The following C1QTNF1 variants were observed in gnomAD, a reference collection of about 807,000 sequenced individuals.
C1QTNF1 encodes the protein C1q and TNF related 1, also known as complement C1q tumor necrosis factor-related protein 1.
In C1QTNF1, 22 loss-of-function variants were observed where a neutral mutation model predicts 27.8. That is an observed-to-expected ratio of 0.79 (90% confidence interval 0.56 to 1.13). The LOEUF (loss-of-function observed/expected upper bound fraction) is 1.13. Ranked by LOEUF, C1QTNF1 falls within the 50% of genes most tolerant of loss-of-function variation. The probability of loss-of-function intolerance (pLI) is 0.00; values close to 1 mark genes in which losing one functional copy is unlikely to be tolerated. For synonymous variants in C1QTNF1, 166 were observed against 154.3 expected (o/e 1.08, Z -0.56); for missense variants, 373 against 380.2 (o/e 0.98, Z 0.16).
intron 1 of C1QTNF1, among the ~76,000 whole-genome samples, chr17:79,031,050 G>C (rs2072128697): frequency 6.7e-6 from 1 of 148,670 alleles, no homozygotes; most frequent in Non-Finnish European, 1.5e-5. Flanking sequence ...CTGTCGCCCA[G>C]GCTGGAGTGC....
chr17:79,035,619 C>G (rs2072246709), intron 1 of C1QTNF1, among the ~76,000 whole-genome samples: 1 of 152,074 alleles, frequency 6.6e-6, no homozygotes, highest in Non-Finnish European at 1.5e-5. Flanking sequence ...TTAGTAGAGA[C>G]AGGGTTTTAC....
chr17:79,031,692 C>A (rs910103025), intron 1 of C1QTNF1, among the ~76,000 whole-genome samples: 1 of 152,324 alleles, frequency 6.6e-6, no homozygotes, highest in Non-Finnish European at 1.5e-5. Context: ...GATCTGCCTG[C>A]CTCAGCCTCC....
rs532926054 is a variant in C1QTNF1, at chr17:79,026,695, G to T, written c.-15+2201G>T. Among the ~76,000 whole-genome samples, 11 of 152,244 alleles carry T rather than the reference G, an allele frequency of 7.2e-5. No homozygotes were observed. In the East Asian group the frequency reaches 1.7e-3, roughly 24 times the overall value. On this transcript the variant is annotated intron_variant, in intron 1 of 3. Coordinates refer to ENST00000579760, the MANE Select transcript of C1QTNF1 (RefSeq NM_030968.5). ...CAGGGAGGCAGGAAGCATGGTGCAG[G>T]AAGCCCTAGGTGGGCGCTGTGCGGC...
intron 1 of C1QTNF1, chr17:79,025,075 A>T (rs375476172): frequency 1.3e-5 from 2 of 152,268 alleles, no homozygotes; most frequent in African/African-American, 4.8e-5. Flanking sequence ...TGGGCAGGAA[A>T]AAACGGTGTT....
chr17:79,047,703 A>G lies in C1QTNF1; in HGVS notation c.461A>G (p.Lys154Arg), dbSNP rs570896176. ...GCCGCCTTTTCGGTGGGCCGGAAGAAGCCCATGCACAGCAACCACTACTAC... is the reference window on the plus strand; with the variant it reads ...GCCGCCTTTTCGGTGGGCCGGAAGAGGCCCATGCACAGCAACCACTACTAC... ...HYAAFSVGRK[K>R]PMHSNHYYQT... The change falls in exon 4 of 4, where the codon AAG (lysine) becomes AGG (arginine). Residue 154 changes from lysine to arginine, a missense_variant. Coordinates refer to ENST00000579760, the MANE Select transcript of C1QTNF1 (RefSeq NM_030968.5). The G allele has an allele frequency of 6.2e-7, 1 of 1,614,088 alleles. No individual in the cohort carries two copies. The highest frequency in any genetic ancestry group is 1.7e-5 in the Admixed American group (1 of 60,020).
intron 2 of C1QTNF1, among the ~76,000 whole-genome samples, chr17:79,045,926 A>T (rs1028103143): frequency 1.3e-5 from 2 of 152,096 alleles, no homozygotes; most frequent in African/African-American, 4.8e-5. Context: ...GCAGCATTAG[A>T]TGAGGAGCTG....
At chr17:79,037,116 C>T (rs1472170953) in intron 1 of C1QTNF1, among the ~76,000 whole-genome samples, 1 of 151,636 alleles carries the variant, frequency 6.6e-6, no homozygotes, top group Admixed American at 6.6e-5. Flanking sequence ...TCACCATGCC[C>T]AGCTATTTTT....
intron 1 of C1QTNF1, 125 bp from the exon 2 acceptor site, chr17:79,043,830 C>T (rs1482986221): frequency 1.0e-6 from 1 of 997,934 alleles, no homozygotes; most frequent in Non-Finnish European, 1.6e-6. Flanking sequence ...CAGCATTTCC[C>T]AGTGGCGTGA....
At chr17:79,044,863 G>A (rs893069526) in intron 2 of C1QTNF1, among the ~76,000 whole-genome samples, 4 of 152,178 alleles carry the variant, frequency 2.6e-5, no homozygotes, top group African/African-American at 9.6e-5. Flanking sequence ...TTCAGTGTAC[G>A]ATGGGATTGG....
chr17:79,042,119 T>A (rs1254932602), intron 1 of C1QTNF1, among the ~76,000 whole-genome samples: 1 of 152,208 alleles, frequency 6.6e-6, no homozygotes, highest in Non-Finnish European at 1.5e-5. Context: ...GAATGAGGTG[T>A]TCCCACGGGG....
At chr17:79,047,209 C>T (rs150264439) in intron 3 of C1QTNF1, 111 of 312,286 alleles carry the variant, frequency 3.6e-4, no homozygotes, top group African/African-American at 2.2e-3. Flanking sequence ...TGGACGAACC[C>T]GTATGTTCCA....
intron 1 of C1QTNF1, among the ~76,000 whole-genome samples, chr17:79,028,105 C>T (rs999232323): frequency 4.6e-5 from 7 of 152,136 alleles, no homozygotes; most frequent in Non-Finnish European, 8.8e-5. Context: ...TTCCTTGACA[C>T]GAGACAGAGT....
At chr17:79,033,068 C>CA (rs58305899) in intron 1 of C1QTNF1, among the ~76,000 whole-genome samples, 1,808 of 79,078 alleles carry the variant, frequency 0.023, 20 homozygotes, top group African/African-American at 0.038. Flanking sequence ...AACTCTGTCT[C>CA]AAAAAAAAAA....
At chr17:79,043,737 G>GTA (rs761641287) in intron 1 of C1QTNF1, 1 of 660,712 alleles carries the variant, frequency 1.5e-6, no homozygotes, top group African/African-American at 1.8e-5. Flanking sequence ...GCATGTGCGT[G>GTA]TGTGCACGTG....
chr17:79,028,909 T>C (rs1015002465), intron 1 of C1QTNF1, among the ~76,000 whole-genome samples: 134 of 150,178 alleles, frequency 8.9e-4, no homozygotes, highest in African/African-American at 3.2e-3. Context: ...TGTGTGTGTG[T>C]GTGCATGCAC....
At chr17:79,027,722 C>G (rs916286279) in intron 1 of C1QTNF1, 1 of 152,324 alleles carries the variant, frequency 6.6e-6, no homozygotes, top group Non-Finnish European at 1.5e-5. Context: ...ATCTTTATCT[C>G]TGGGTCCTTG....
chr17:79,025,944 G>A (rs759901683), intron 1 of C1QTNF1: 1 of 435,708 alleles, frequency 2.3e-6, no homozygotes, highest in South Asian at 1.6e-5. Context: ...AGGTTTGTGT[G>A]TCTGCTTCTC....
chr17:79,026,928 C>G (rs904696121), intron 1 of C1QTNF1, among the ~76,000 whole-genome samples: 3 of 152,218 alleles, frequency 2.0e-5, no homozygotes, highest in African/African-American at 7.2e-5. Flanking sequence ...GGTGCCTCCC[C>G]CCAGCTGTAA....
intron 1 of C1QTNF1, 179 bp from the exon 2 acceptor site, chr17:79,043,776 A>C: frequency 1.4e-6 from 1 of 721,352 alleles, no homozygotes; most frequent in Non-Finnish European, 2.5e-6. Flanking sequence ...GTATGCATGC[A>C]TGGGTGTGTG....
Sources: gnomAD v4.1 joint callset for allele counts (sites outside exome capture counted in the v4.1 genomes callset) on GRCh38, gnomAD v4.1.1 for gene constraint, MANE v1.5 for transcripts, NCBI Gene and HGNC (gene_info 2026-07-23, HGNC 2026-07-21) for gene names.